Variants in LIMS1 observed in about 807,000 individuals in gnomAD.
The protein encoded by LIMS1 is LIM and senescent cell antigen-like-containing domain protein 1.
Under a neutral mutation model 44.1 loss-of-function variants are expected in LIMS1, and 18 were observed. The observed-to-expected ratio is 0.41, with a 90% CI of 0.28 to 0.61. The LOEUF is 0.61. LIMS1 is among the 20% of genes least tolerant of loss of function. The pLI is 0.32. For missense variants in LIMS1, 201 were observed against 422.0 expected (o/e 0.48, Z 4.59); for synonymous variants, 93 against 149.1 (o/e 0.62, Z 2.74).
intron 1 of LIMS1, among the ~76,000 whole-genome samples, chr2:108,552,567 G>GTATA (rs199689171): frequency 5.4e-5 from 7 of 130,524 alleles, no homozygotes; most frequent in African/African-American, 2.1e-4. Context: ...ACTTTGGGGT[G>GTATA]TATATATATA....
At chr2:108,580,189 G>A (rs947767279) in intron 1 of LIMS1, among the ~76,000 whole-genome samples, 2 of 152,196 alleles carry the variant, frequency 1.3e-5, no homozygotes, top group African/African-American at 2.4e-5. Context: ...GGGCTTTCCC[G>A]GTGTCTCTGC....
intron 1 of LIMS1, among the ~76,000 whole-genome samples, chr2:108,559,020 G>A (rs544705168): frequency 8.5e-5 from 13 of 152,282 alleles, no homozygotes; most frequent in African/African-American, 2.9e-4. Flanking sequence ...CTGCCAAGGC[G>A]CCGGGGGCAG....
chr2:108,650,772 G>A (rs376890954), intron 1 of LIMS1, among the ~76,000 whole-genome samples: 6 of 152,248 alleles, frequency 3.9e-5, no homozygotes, highest in African/African-American at 7.2e-5. Flanking sequence ...CCTTATTCAC[G>A]ACATACAAAC....
chr2:108,612,422 C>T (rs1352089177), intron 1 of LIMS1, among the ~76,000 whole-genome samples: 8 of 151,564 alleles, frequency 5.3e-5, no homozygotes, highest in Admixed American at 2.0e-4. Flanking sequence ...CAACAGTACC[C>T]TTGGTTTCAG....
At chr2:108,618,536 T>C (rs1418535625) in intron 1 of LIMS1, among the ~76,000 whole-genome samples, 3 of 151,976 alleles carry the variant, frequency 2.0e-5, no homozygotes, top group Non-Finnish European at 4.4e-5. Context: ...AGTGAAAAGA[T>C]CCTGGTTAGG....
intron 1 of LIMS1, among the ~76,000 whole-genome samples, chr2:108,591,793 T>A (rs995967321): frequency 1.2e-4 from 10 of 85,578 alleles, no homozygotes; most frequent in South Asian, 3.8e-4. Context: ...TTTTTAGTTT[T>A]TTTTTTTGTT....
At chr2:108,667,537 TTA>T (rs1491368245) in intron 2 of LIMS1, among the ~76,000 whole-genome samples, 3,364 of 39,534 alleles carry the variant, frequency 0.085, 44 homozygotes, top group African/African-American at 0.09. Context: ...TCAACCTTTT[TTA>T]AAAAAAAAAA....
chr2:108,675,327 G>C (rs1277464347), intron 5 of LIMS1, among the ~76,000 whole-genome samples: 1 of 151,916 alleles, frequency 6.6e-6, no homozygotes. Context: ...GGGGGAAGAG[G>C]AGGGGGGAAG....
intron 1 of LIMS1, among the ~76,000 whole-genome samples, chr2:108,565,340 T>G (rs1321061084): frequency 6.6e-6 from 1 of 152,206 alleles, no homozygotes; most frequent in African/African-American, 2.4e-5. Context: ...TAATAAAATT[T>G]GGGAGGCACA....
chr2:108,590,294 G>T (rs986525901), intron 1 of LIMS1, among the ~76,000 whole-genome samples: 6 of 152,166 alleles, frequency 3.9e-5, no homozygotes, highest in African/African-American at 9.7e-5. Context: ...AGGAAATAAG[G>T]AATAGTTATA....
intron 1 of LIMS1, among the ~76,000 whole-genome samples, chr2:108,589,725 G>T (rs2104679620): frequency 6.6e-6 from 1 of 152,162 alleles, no homozygotes; most frequent in South Asian, 2.1e-4. Context: ...TTTGTCACAA[G>T]ATTTTTTTAT....
chr2:108,642,630 A>G (rs960955202), intron 1 of LIMS1, among the ~76,000 whole-genome samples: 4 of 152,082 alleles, frequency 2.6e-5, no homozygotes, highest in African/African-American at 9.7e-5. Context: ...AAGTGCAGGG[A>G]TTACAGGCGT....
chr2:108,607,105 G>T, intron 1 of LIMS1: 1 of 857,434 alleles, frequency 1.2e-6, no homozygotes, highest in Non-Finnish European at 1.8e-6. Flanking sequence ...TCATGAATGA[G>T]ATTACTGCCC....
At chr2:108,599,735 G>A (rs1347463570) in intron 1 of LIMS1, among the ~76,000 whole-genome samples, 1 of 152,130 alleles carries the variant, frequency 6.6e-6, no homozygotes, top group African/African-American at 2.4e-5. Context: ...GGGGCGAGAT[G>A]AGATCTCATT....
At chr2:108,686,357 T>C (rs1693304648) in exon 10 of LIMS1, 1 of 151,874 alleles carries the variant, frequency 6.6e-6, no homozygotes, top group South Asian at 2.1e-4. Flanking sequence ...GAGTATTTTC[T>C]AGAAATTCAA....
intron 1 of LIMS1, among the ~76,000 whole-genome samples, chr2:108,577,521 G>T (rs1174285455): frequency 6.6e-6 from 1 of 152,188 alleles, no homozygotes; most frequent in African/African-American, 2.4e-5. Flanking sequence ...AAATGAAAAT[G>T]GAAGTTTTCA....
At chr2:108,663,645 G>A (rs1003915324) in intron 2 of LIMS1, among the ~76,000 whole-genome samples, 3 of 152,230 alleles carry the variant, frequency 2.0e-5, no homozygotes, top group African/African-American at 7.2e-5. Context: ...TGGGTTCTTT[G>A]TTGGTGCTTC....
intron 1 of LIMS1, among the ~76,000 whole-genome samples, chr2:108,575,056 T>TTTCAAA (rs1234657853): frequency 6.6e-6 from 1 of 152,242 alleles, no homozygotes; most frequent in East Asian, 1.9e-4. Flanking sequence ...TTTGGCAGGA[T>TTTCAAA]ACTCTTCTTT....
chr2:108,670,277 G>A (rs1692077843), intron 2 of LIMS1, among the ~76,000 whole-genome samples: 1 of 152,034 alleles, frequency 6.6e-6, no homozygotes, highest in Non-Finnish European at 1.5e-5. Flanking sequence ...TTTGGGCCAG[G>A]AGTCCAAGAA....
Sources: gnomAD v4.1 joint callset for allele counts (sites outside exome capture counted in the v4.1 genomes callset) on GRCh38, gnomAD v4.1.1 for gene constraint, MANE v1.5 for transcripts, NCBI Gene and HGNC (gene_info 2026-07-23, HGNC 2026-07-21) for gene names.